The following SSX2IP variants were observed in gnomAD, a reference collection of about 807,000 sequenced individuals.
The protein encoded by SSX2IP is afadin- and alpha-actinin-binding protein.
In SSX2IP, 55 loss-of-function variants were observed where a neutral mutation model predicts 84.9. The observed-to-expected ratio is 0.65, with a 90% confidence interval of 0.52 to 0.81. The LOEUF (loss-of-function observed/expected upper bound fraction) is 0.81, where lower values mean the gene tolerates loss of function less well. Among genes scored for constraint, SSX2IP ranks in the 30% least tolerant of loss-of-function variants. The pLI is 0.00. For missense variants in SSX2IP, 664 were observed against 705.2 expected (o/e 0.94, Z 0.66); for synonymous variants, 239 against 234.7 (o/e 1.02, Z -0.17).
At position 84,664,457 on chromosome 1, in the gene SSX2IP, A is replaced by G; in HGVS notation, c.633T>C (p.Arg211=). ...TCTTGTTCATAACAAGTTGATGTAGACGTTCCTTCAGTTTATTATATTCAC... is the reference window on the plus strand; with the variant it reads ...TCTTGTTCATAACAAGTTGATGTAGGCGTTCCTTCAGTTTATTATATTCAC... ...KEREYNKLKE[R]LHQLVMNKKD... Residue 211 remains arginine (R), a synonymous_variant, in exon 6 of 14, where the codon CGT becomes CGC. Transcript: ENST00000342203. 1 of 1,602,442 alleles carries G rather than the reference A, an allele frequency of 6.2e-7. No homozygotes were observed. Among genetic ancestry groups the G allele is most frequent in the Non-Finnish European group, 8.5e-7 (1 of 1,176,052 alleles).
intron 1 of SSX2IP, among the ~76,000 whole-genome samples, chr1:84,677,859 C>A (rs1654586257): frequency 6.6e-6 from 1 of 152,154 alleles, no homozygotes; most frequent in African/African-American, 2.4e-5. Context: ...GCAGCCCTGT[C>A]CAACACCTTG....
chr1:84,653,096 T>C (rs957044647), intron 11 of SSX2IP, among the ~76,000 whole-genome samples: 2 of 152,032 alleles, frequency 1.3e-5, no homozygotes, highest in Non-Finnish European at 2.9e-5. Context: ...GTTTAAAAAA[T>C]AGAAATTCAT....
chr1:84,662,444 C>T lies in SSX2IP; in HGVS notation c.749+11G>A. 1 of 1,613,452 alleles carries T rather than the reference C, an allele frequency of 6.2e-7. No homozygotes were observed. The highest frequency in any genetic ancestry group is 2.2e-5 in the East Asian group (1 of 44,852). Reference sequence around the variant, plus strand: ...GTCTGATTACATTTATCAATTTAAACTGGACTTTACCTGGCTTCAGTTTTA... The same window carrying T: ...GTCTGATTACATTTATCAATTTAAATTGGACTTTACCTGGCTTCAGTTTTA... On this transcript the variant is annotated intron_variant, in intron 7 of 13. Transcript: ENST00000342203.
At chr1:84,671,415 T>A in intron 1 of SSX2IP, 107 bp from the exon 2 acceptor site, 1 of 867,704 alleles carries the variant, frequency 1.2e-6, no homozygotes, top group Non-Finnish European at 1.6e-6. Flanking sequence ...AGAAGGATTT[T>A]GCAATACCTA....
chr1:84,649,895 T>C (rs1649974048), intron 13 of SSX2IP: 2 of 525,456 alleles, frequency 3.8e-6, no homozygotes, highest in Non-Finnish European at 3.8e-6. Context: ...ACTGTCATCC[T>C]TGGGCACAAA....
intron 1 of SSX2IP, among the ~76,000 whole-genome samples, chr1:84,683,446 C>A (rs961923335): frequency 1.3e-5 from 2 of 152,150 alleles, no homozygotes; most frequent in African/African-American, 4.8e-5. Flanking sequence ...AAAAACCTAG[C>A]AAATATATTG....
intron 4 of SSX2IP, 128 bp downstream of exon 4, chr1:84,669,553 T>G: frequency 1.4e-6 from 1 of 720,490 alleles, no homozygotes; most frequent in East Asian, 2.7e-5. Flanking sequence ...AAGTTCACTT[T>G]TACTTACCTG....
Position 84,647,558 on chromosome 1 carries a change from C to A in SSX2IP, c.1720G>T (p.Val574Phe). The A allele has an allele frequency of 6.2e-7, 1 of 1,612,676 alleles. No individual in the cohort carries two copies. Among genetic ancestry groups the A allele is most frequent in the Non-Finnish European group, 8.5e-7 (1 of 1,179,318 alleles). The change falls in exon 14 of 14, where the codon GTT (valine) becomes TTT (phenylalanine). Residue 574 changes from valine (V) to phenylalanine (F), a missense_variant. Physicochemically the swap from Val to Phe is conservative, Grantham distance 50 (BLOSUM62 -1). Transcript: ENST00000342203. Reference sequence around the variant, plus strand: ...TTTTGATTTGTACATTCTCCTCCAACCTGATTTGGTTTAATTTCTTCAGCA... The same window carrying A: ...TTTTGATTTGTACATTCTCCTCCAAACTGATTTGGTTTAATTTCTTCAGCA... ...ITAEEIKPNQ[V>F]GGECTNQKWS...
chr1:84,652,499 AG>A (rs1328316518), intron 11 of SSX2IP: 2 of 149,360 alleles, frequency 1.3e-5, no homozygotes, highest in African/African-American at 4.9e-5. Context: ...TGGGAGGACA[AG>A]GTGGGCGGAT....
Position 84,672,779 on chromosome 1 carries a change from C to T in SSX2IP, c.-89-1471G>A, listed in dbSNP as rs1042311217. Among the ~76,000 whole-genome samples, 17 of 152,160 alleles carry T rather than the reference C, an allele frequency of 1.1e-4. 1 individual carries two copies. The highest frequency in any genetic ancestry group is 9.8e-4 in the Admixed American group (15 of 15,278). On this transcript the variant is annotated intron_variant, in intron 1 of 13. Coordinates refer to ENST00000342203, the MANE Select transcript of SSX2IP (RefSeq NM_001166293.2). ...GTGGCTCATGCCTGTAATCACAGCACTTTGGGTGGCTGAGGTGGGTGGATC... is the reference window on the plus strand; with the variant it reads ...GTGGCTCATGCCTGTAATCACAGCATTTTGGGTGGCTGAGGTGGGTGGATC...
chr1:84,651,719 C>T (rs939411059), intron 12 of SSX2IP, among the ~76,000 whole-genome samples, 164 bp downstream of exon 12: 1 of 152,036 alleles, frequency 6.6e-6, no homozygotes, highest in Non-Finnish European at 1.5e-5. Context: ...CAGAGCAAGA[C>T]TCCGTCTCAA....
intron 6 of SSX2IP, among the ~76,000 whole-genome samples, chr1:84,664,027 CT>C (rs1652417048): frequency 6.6e-6 from 1 of 152,154 alleles, no homozygotes; most frequent in Non-Finnish European, 1.5e-5. Flanking sequence ...GGAACTCAAA[CT>C]GACATGAACG....
intron 6 of SSX2IP, among the ~76,000 whole-genome samples, chr1:84,662,937 T>C (rs568481005): frequency 3.9e-5 from 6 of 152,308 alleles, no homozygotes; most frequent in Admixed American, 3.3e-4. Context: ...CCTGATTTTG[T>C]AAATAAAGCT....
chr1:84,684,723 T>C (rs1291924287), intron 1 of SSX2IP, among the ~76,000 whole-genome samples: 3 of 152,108 alleles, frequency 2.0e-5, no homozygotes, highest in Non-Finnish European at 4.4e-5. Flanking sequence ...ACAACCCATA[T>C]ACCACCAACA....
intron 11 of SSX2IP, among the ~76,000 whole-genome samples, chr1:84,652,599 G>T (rs191697668): frequency 1.3e-3 from 196 of 151,640 alleles, no homozygotes; most frequent in African/African-American, 4.6e-3. Flanking sequence ...GCATGGTGGC[G>T]TGCGCCTGTA....
Position 84,651,167 on chromosome 1 carries a change from A to T in SSX2IP, c.1505-640T>A, listed in dbSNP as rs1185747453. ...TTGTCTCTACAAAAAAGTTTTTAAA[A>T]TTATCTGGGTATGGTGGTGTGTGCC... On this transcript the variant is annotated intron_variant, in intron 12 of 13. Transcript: ENST00000342203. Among the ~76,000 whole-genome samples, 4 of 152,150 alleles carry T rather than the reference A, an allele frequency of 2.6e-5. 1 individual carries two copies. The highest frequency in any genetic ancestry group is 6.8e-3 in the Middle Eastern group (2 of 294).
chr1:84,682,568 G>T (rs1343183240), intron 1 of SSX2IP, among the ~76,000 whole-genome samples: 2 of 150,068 alleles, frequency 1.3e-5, no homozygotes, highest in African/African-American at 4.9e-5. Context: ...AGTGGGGTGT[G>T]ATCTCAGCTC....
chr1:84,647,189 C>T lies in SSX2IP; in HGVS notation c.*244G>A. 1 of 312,944 alleles carries T rather than the reference C, an allele frequency of 3.2e-6. No homozygotes were observed. The highest frequency in any genetic ancestry group is 5.8e-6 in the Non-Finnish European group (1 of 172,720). 19.4% of individuals were successfully genotyped at this position (312,944 alleles called of 1,614,324 possible). ...TCTAGTGCTTTTGTTTCCATCCAAA[C>T]ATCTATACATTCCTTTATTCACAGA... On this transcript the variant is annotated 3_prime_UTR_variant, in exon 14 of 14. Transcript: ENST00000342203.
intron 1 of SSX2IP, among the ~76,000 whole-genome samples, chr1:84,683,203 C>T (rs961702934): frequency 5.9e-5 from 9 of 151,780 alleles, no homozygotes; most frequent in African/African-American, 1.9e-4. Context: ...AGGTTTGCTG[C>T]ACCTATCAAT....
Sources: gnomAD v4.1 joint callset for allele counts (sites outside exome capture counted in the v4.1 genomes callset) on GRCh38, gnomAD v4.1.1 for gene constraint, MANE v1.5 for transcripts, NCBI Gene and HGNC (gene_info 2026-07-23, HGNC 2026-07-21) for gene names.